The following TANGO6 variants were observed in gnomAD, a reference collection of about 807,000 sequenced individuals.
The protein encoded by TANGO6 is transport and Golgi organization protein 6 homolog.
A neutral mutation model predicts 114.2 loss-of-function variants in TANGO6; 90 were observed. The observed-to-expected ratio is 0.79, with a 90% CI of 0.66 to 0.94. TANGO6 has a LOEUF of 0.94. Among genes scored for constraint, TANGO6 ranks in the 40% least tolerant of loss-of-function variants. The pLI is 0.00. For synonymous variants in TANGO6, 477 were observed against 509.8 expected, an observed-to-expected ratio of 0.94 and a Z score of 0.87; for missense variants, 1,274 against 1,315.3, an observed-to-expected ratio of 0.97 and a Z score of 0.49.
intron 17 of TANGO6, among the ~76,000 whole-genome samples, chr16:69,065,470 C>A (rs371452393): frequency 1.1e-4 from 16 of 152,192 alleles, no homozygotes; most frequent in African/African-American, 1.4e-4. Flanking sequence ...ATATTTCTCC[C>A]TTTTTCTCAG....
chr16:68,918,894 A>G (rs1306787402), intron 11 of TANGO6, among the ~76,000 whole-genome samples, 191 bp from the exon 12 acceptor site: 1 of 152,170 alleles, frequency 6.6e-6, no homozygotes, highest in Non-Finnish European at 1.5e-5. Flanking sequence ...AATAACCTTT[A>G]TAATAAACCG....
intron 12 of TANGO6, among the ~76,000 whole-genome samples, chr16:68,921,309 A>G (rs1567540229): frequency 1.3e-5 from 2 of 151,234 alleles, no homozygotes; most frequent in African/African-American, 4.9e-5. Flanking sequence ...CAGCCTCCCA[A>G]GTAGCTGGGA....
intron 16 of TANGO6, among the ~76,000 whole-genome samples, chr16:69,028,707 A>T (rs1238211239): frequency 6.6e-6 from 1 of 151,974 alleles, no homozygotes; most frequent in East Asian, 1.9e-4. Flanking sequence ...TTATTGGTAC[A>T]ATCACACACA....
chr16:69,054,777 C>CA (rs34537360), intron 17 of TANGO6, among the ~76,000 whole-genome samples: 75 of 143,664 alleles, frequency 5.2e-4, no homozygotes, highest in East Asian at 2.7e-3. Context: ...ACTAAAAATA[C>CA]AAAAAAAAAA....
At chr16:68,847,267 G>C (rs922686357) in intron 1 of TANGO6, among the ~76,000 whole-genome samples, 1 of 152,190 alleles carries the variant, frequency 6.6e-6, no homozygotes, top group Non-Finnish European at 1.5e-5. Flanking sequence ...ACATTCTTGA[G>C]AATCTAAAAG....
intron 1 of TANGO6, among the ~76,000 whole-genome samples, chr16:68,851,313 C>T (rs1286220408): frequency 6.6e-6 from 1 of 152,080 alleles, no homozygotes; most frequent in Non-Finnish European, 1.5e-5. Context: ...GTGCCTGCCA[C>T]CACACCTGGC....
chr16:69,015,464 T>TTTTATTTTATTTATTTA (rs1555528109), intron 15 of TANGO6, among the ~76,000 whole-genome samples: 3 of 143,868 alleles, frequency 2.1e-5, no homozygotes, highest in Admixed American at 7.1e-5. Flanking sequence ...GCTCATTTTA[T>TTTTATTTTATTTATTTA]TTTATTTATT....
chr16:68,962,919 C>T (rs527818977), intron 14 of TANGO6, among the ~76,000 whole-genome samples: 10 of 146,566 alleles, frequency 6.8e-5, no homozygotes, highest in Non-Finnish European at 1.2e-4. Flanking sequence ...CCTGTCTCTA[C>T]TCAAAATATG....
At chr16:69,075,925 C>T (rs938119960) in intron 17 of TANGO6, among the ~76,000 whole-genome samples, 2 of 151,454 alleles carry the variant, frequency 1.3e-5, no homozygotes, top group Non-Finnish European at 2.9e-5. Flanking sequence ...CCACCGTGCC[C>T]AGCTACTTTT....
chr16:68,951,858 C>T (rs1322168101), intron 14 of TANGO6, among the ~76,000 whole-genome samples: 1 of 152,092 alleles, frequency 6.6e-6, no homozygotes, highest in Non-Finnish European at 1.5e-5. Context: ...GTGATCCACC[C>T]GCCTCGGCCT....
chr16:68,979,063 G>A (rs1286481123), intron 15 of TANGO6, among the ~76,000 whole-genome samples: 1 of 151,424 alleles, frequency 6.6e-6, no homozygotes, highest in Non-Finnish European at 1.5e-5. Flanking sequence ...AGGACCACAG[G>A]TGTGCGCCAC....
chr16:68,845,226 C>T (rs1289101365), intron 1 of TANGO6, among the ~76,000 whole-genome samples: 2 of 152,118 alleles, frequency 1.3e-5, no homozygotes, highest in Non-Finnish European at 2.9e-5. Context: ...CCTTGGCCTC[C>T]CAAAGTGCTG....
intron 15 of TANGO6, among the ~76,000 whole-genome samples, chr16:68,988,684 C>T: frequency 7.0e-6 from 1 of 141,942 alleles, no homozygotes; most frequent in Admixed American, 7.0e-5. Flanking sequence ...AGTTTAAGTT[C>T]TCTCTCTCTT....
At chr16:68,946,598 T>G (rs1356991419) in intron 14 of TANGO6, among the ~76,000 whole-genome samples, 1 of 152,022 alleles carries the variant, frequency 6.6e-6, no homozygotes, top group African/African-American at 2.4e-5. Context: ...ACTACAGCCT[T>G]GGCCTCCCAC....
intron 15 of TANGO6, among the ~76,000 whole-genome samples, chr16:68,977,072 TG>T (rs1158954829): frequency 1.3e-5 from 2 of 151,968 alleles, no homozygotes; most frequent in African/African-American, 4.8e-5. Flanking sequence ...AAAGTGGAGG[TG>T]GGGTATCTTT....
intron 15 of TANGO6, among the ~76,000 whole-genome samples, chr16:68,974,612 G>T (rs1008902471): frequency 6.6e-6 from 1 of 152,144 alleles, no homozygotes; most frequent in Non-Finnish European, 1.5e-5. Context: ...GGTGAGTCGA[G>T]ATCGCGCCAC....
At chr16:69,005,532 C>T (rs959194383) in intron 15 of TANGO6, among the ~76,000 whole-genome samples, 1 of 152,102 alleles carries the variant, frequency 6.6e-6, no homozygotes, top group African/African-American at 2.4e-5. Context: ...TGGCTCATGC[C>T]TGTAATCTCA....
chr16:68,974,762 C>T (rs550295455), intron 15 of TANGO6, among the ~76,000 whole-genome samples: 2 of 152,230 alleles, frequency 1.3e-5, no homozygotes, highest in South Asian at 2.1e-4. Context: ...CACACTTGAG[C>T]AGCAGCAAGC....
At chr16:69,066,178 C>T (rs1281751068) in intron 17 of TANGO6, among the ~76,000 whole-genome samples, 1 of 152,190 alleles carries the variant, frequency 6.6e-6, no homozygotes, top group Non-Finnish European at 1.5e-5. Flanking sequence ...CCCTCTTCCT[C>T]TCACTCGCCT....
Sources: allele counts gnomAD v4.1 joint callset (sites outside exome capture counted in the v4.1 genomes callset), GRCh38; gene constraint gnomAD v4.1.1; transcripts MANE v1.5; gene names NCBI Gene and HGNC (gene_info 2026-07-23, HGNC 2026-07-21).